CTIF: variants seen among roughly 807,000 people sequenced by gnomAD.
CTIF encodes the protein CBP80/20-dependent translation initiation factor.
A neutral mutation model predicts 66.0 loss-of-function variants in CTIF; 21 were observed. That is an observed-to-expected ratio of 0.32 (90% confidence interval 0.23 to 0.46). The LOEUF is 0.46. CTIF is among the 20% of genes least tolerant of loss of function. CTIF has a pLI of 1.00. For missense variants in CTIF, 739 were observed against 812.7 expected, an observed-to-expected ratio of 0.91 and a Z score of 1.10; for synonymous variants, 345 against 326.4, an observed-to-expected ratio of 1.06 and a Z score of -0.62.
intron 9 of CTIF, among the ~76,000 whole-genome samples, chr18:48,797,497 T>TTG (rs1568227357): frequency 3.5e-4 from 48 of 138,434 alleles, no homozygotes; most frequent in African/African-American, 1.1e-3. Context: ...AGAAAAGGGG[T>TTG]GGGGGGGCAA....
chr18:48,758,426 G>C (rs1487699279), intron 8 of CTIF, 21 bp downstream of exon 8: 1 of 1,560,858 alleles, frequency 6.4e-7, no homozygotes, highest in Admixed American at 1.9e-5. Flanking sequence ...TTGAATTTTT[G>C]TTCTTCTCTT....
intron 9 of CTIF, among the ~76,000 whole-genome samples, chr18:48,793,279 C>T (rs2067833563): frequency 6.6e-6 from 1 of 152,218 alleles, no homozygotes; most frequent in South Asian, 2.1e-4. Context: ...GCTGCAACCC[C>T]ACCCCCTCTA....
intron 1 of CTIF, among the ~76,000 whole-genome samples, chr18:48,600,196 T>A (rs1474472941): frequency 1.3e-5 from 2 of 151,936 alleles, no homozygotes; most frequent in African/African-American, 4.8e-5. Context: ...ATTGCTTGCT[T>A]CTAGGGAGCT....
Position 48,583,098 on chromosome 18 carries a change from C to G in CTIF, c.-28-36440C>G, listed in dbSNP as rs1241183298. On this transcript the variant is annotated intron_variant, in intron 1 of 11. Transcript: ENST00000256413. ...TGGGGGAGTGCCCAGATGGGAACTG[C>G]TGGCCTTCAGGGGGCCAGCTGGGCC... 3.9e-5 allele frequency among the ~76,000 whole-genome samples: 6 copies of G among 152,198 alleles called. No homozygotes were observed. The East Asian group carries it at 9.6e-4, about 24-fold the overall frequency.
intron 7 of CTIF, among the ~76,000 whole-genome samples, chr18:48,737,267 G>T (rs569632947): frequency 6.6e-6 from 1 of 152,310 alleles, no homozygotes; most frequent in Admixed American, 6.5e-5. Flanking sequence ...GCTCCCCAAG[G>T]TGGGACCCTT....
intron 1 of CTIF, among the ~76,000 whole-genome samples, chr18:48,541,562 C>G (rs1414207282): frequency 6.6e-6 from 1 of 152,186 alleles, no homozygotes; most frequent in African/African-American, 2.4e-5. Context: ...TTCAAGAAAA[C>G]CCAATTATAC....
rs2090582707 is a variant in CTIF, at chr18:48,625,815, A to G, written c.180+6070A>G. Among the ~76,000 whole-genome samples, 3 of 152,172 alleles carry G rather than the reference A, an allele frequency of 2.0e-5. No homozygotes were observed. The South Asian group carries it at 6.2e-4, about 32-fold the overall frequency. ...CTGGAAATACGTGATACTTCAACAC[A>G]TACTGTTGAACATGCCTCCTTCTGC... On this transcript the variant is annotated intron_variant, in intron 2 of 11. Coordinates refer to ENST00000256413, the MANE Select transcript of CTIF (RefSeq NM_014772.3).
intron 9 of CTIF, among the ~76,000 whole-genome samples, chr18:48,815,482 A>G (rs957072544): frequency 1.3e-5 from 2 of 152,240 alleles, no homozygotes; most frequent in Non-Finnish European, 2.9e-5. Context: ...CACAAATAGC[A>G]GCTGCTGCTG....
rs559132593 is a variant in CTIF at position 48,717,217 on chromosome 18, T to A, written c.584+5522T>A. 2.0e-5 allele frequency among the ~76,000 whole-genome samples: 3 copies of A among 152,024 alleles called. No individual in the cohort carries two copies. The South Asian group carries it at 6.2e-4, about 32-fold the overall frequency. ...GGGTTTGAGACTAGCCTGATCAACA[T>A]GGAGAAACCCCGTCTCTACTAAAAA... On this transcript the variant is annotated intron_variant, in intron 7 of 11. Transcript: ENST00000256413.
At position 48,603,046 on chromosome 18, in the gene CTIF, TGTATGGATGGATAA is replaced by T. The variant is rs1257959147; in HGVS notation, c.-28-16490_-28-16477del. Among the ~76,000 whole-genome samples, 49 of 149,594 alleles carry T rather than the reference TGTATGGATGGATAA, an allele frequency of 3.3e-4. 1 individual carries two copies. Among genetic ancestry groups the T allele is most frequent in the African/African-American group, 1.1e-3 (46 of 40,354 alleles). On this transcript the variant is annotated intron_variant, in intron 1 of 11. Transcript: ENST00000256413. ...ATGGGTGGATGGATGGATAGATGGA[TGTATGGATGGATAA>T]GAATGGGTGGATGGATGGATGGATG...
At chr18:48,560,605 C>G (rs1203636655) in intron 1 of CTIF, among the ~76,000 whole-genome samples, 1 of 152,146 alleles carries the variant, frequency 6.6e-6, no homozygotes, top group African/African-American at 2.4e-5. Context: ...GAATCTTGTT[C>G]TGATGCCCAG....
intron 9 of CTIF, among the ~76,000 whole-genome samples, chr18:48,763,067 C>A (rs768671622): frequency 6.6e-6 from 1 of 152,234 alleles, no homozygotes; most frequent in African/African-American, 2.4e-5. Flanking sequence ...ATGTTCCTCG[C>A]GGGCCGGAAT....
intron 6 of CTIF, among the ~76,000 whole-genome samples, chr18:48,703,541 G>C (rs892163231): frequency 1.3e-5 from 2 of 152,264 alleles, no homozygotes; most frequent in South Asian, 2.1e-4. Flanking sequence ...GTATGGGAGA[G>C]AGAGAGATAA....
chr18:48,695,456 C>G (rs1211451436), intron 6 of CTIF, among the ~76,000 whole-genome samples: 2 of 152,208 alleles, frequency 1.3e-5, no homozygotes, highest in African/African-American at 4.8e-5. Context: ...ATGACTGATG[C>G]TCTTATGAGC....
At chr18:48,613,497 G>C (rs534960862) in intron 1 of CTIF, among the ~76,000 whole-genome samples, 1 of 152,336 alleles carries the variant, frequency 6.6e-6, no homozygotes, top group African/African-American at 2.4e-5. Context: ...TTTGCGTCTA[G>C]GGTGGGGAGG....
intron 2 of CTIF, among the ~76,000 whole-genome samples, chr18:48,629,530 T>C (rs2090664395): frequency 6.6e-6 from 1 of 152,136 alleles, no homozygotes; most frequent in Admixed American, 6.5e-5. Context: ...CAGTGTGTAT[T>C]TCCTCAGAAC....
At chr18:48,853,251 G>C (rs867285731) in intron 10 of CTIF, among the ~76,000 whole-genome samples, 12 of 152,144 alleles carry the variant, frequency 7.9e-5, no homozygotes, top group African/African-American at 2.9e-4. Flanking sequence ...AATATGTCAG[G>C]GGCCGCAGAA....
At chr18:48,780,928 T>TCATCC (rs1347281130) in intron 9 of CTIF, among the ~76,000 whole-genome samples, 1 of 152,132 alleles carries the variant, frequency 6.6e-6, no homozygotes, top group Non-Finnish European at 1.5e-5. Flanking sequence ...GACTCCTCTG[T>TCATCC]CATCCCATCC....
At chr18:48,584,687 T>C (rs1019392970) in intron 1 of CTIF, among the ~76,000 whole-genome samples, 3 of 152,228 alleles carry the variant, frequency 2.0e-5, no homozygotes, top group African/African-American at 7.2e-5. Flanking sequence ...AGGCCTCCTC[T>C]GACTGTCTGC....
Sources: gnomAD v4.1 joint callset for allele counts (sites outside exome capture counted in the v4.1 genomes callset) on GRCh38, gnomAD v4.1.1 for gene constraint, MANE v1.5 for transcripts, NCBI Gene and HGNC (gene_info 2026-07-23, HGNC 2026-07-21) for gene names.